DPYD: variants seen among roughly 807,000 people sequenced by gnomAD.
DPYD encodes the protein dihydropyrimidine dehydrogenase, also known as dihydropyrimidine dehydrogenase [NADP(+)].
A neutral mutation model predicts 116.2 loss-of-function variants in DPYD; 109 were observed. That is an observed-to-expected ratio of 0.94 (90% CI 0.80 to 1.10). The LOEUF is 1.10. Among genes scored for constraint, DPYD ranks in the 50% least tolerant of loss-of-function variants. The probability of loss-of-function intolerance (pLI) is 0.00; values close to 1 mark genes in which losing one functional copy is unlikely to be tolerated. For synonymous variants in DPYD, 440 were observed against 432.0 expected (o/e 1.02, Z -0.23); for missense variants, 1,302 against 1,254.5 (o/e 1.04, Z -0.57).
intron 18 of DPYD, 136 bp downstream of exon 18, chr1:97,305,123 T>C: frequency 7.7e-7 from 1 of 1,293,130 alleles, no homozygotes. Flanking sequence ...CGTTCTGTCA[T>C]AACTATTAGG....
chr1:97,892,087 A>G (rs777777779), intron 1 of DPYD, among the ~76,000 whole-genome samples: 40 of 151,706 alleles, frequency 2.6e-4, no homozygotes, highest in Non-Finnish European at 5.5e-4. Flanking sequence ...TCAAGTAAAC[A>G]AATAATAATA....
chr1:97,587,772 C>A (rs1224383597), intron 10 of DPYD, among the ~76,000 whole-genome samples: 1 of 145,722 alleles, frequency 6.9e-6, no homozygotes, highest in East Asian at 2.0e-4. Flanking sequence ...TGCAGTGAGT[C>A]GAGATCGCGC....
chr1:97,118,998 C>G (rs1285940328), intron 20 of DPYD, among the ~76,000 whole-genome samples: 1 of 151,950 alleles, frequency 6.6e-6, no homozygotes, highest in Non-Finnish European at 1.5e-5. Flanking sequence ...GAGAAAATCC[C>G]TCATTTTTTT....
At chr1:97,162,633 T>C (rs530193958) in intron 20 of DPYD, among the ~76,000 whole-genome samples, 2 of 151,756 alleles carry the variant, frequency 1.3e-5, no homozygotes, top group African/African-American at 4.8e-5. Flanking sequence ...AAAACTACTT[T>C]AAAGTTCATA....
chr1:97,696,781 T>A (rs1661330430), intron 6 of DPYD, among the ~76,000 whole-genome samples: 1 of 152,180 alleles, frequency 6.6e-6, no homozygotes, highest in African/African-American at 2.4e-5. Context: ...AGAGGTATGC[T>A]TCAGTTTATT....
chr1:97,496,230 A>C (rs1396151699), intron 13 of DPYD, among the ~76,000 whole-genome samples: 1 of 152,056 alleles, frequency 6.6e-6, no homozygotes, highest in Non-Finnish European at 1.5e-5. Context: ...TTTGCTCTAG[A>C]TACAACCTTG....
chr1:97,584,971 G>T (rs1356210528), intron 10 of DPYD, among the ~76,000 whole-genome samples: 9 of 94,314 alleles, frequency 9.5e-5, no homozygotes, highest in South Asian at 3.8e-4. Flanking sequence ...TAATAATAAA[G>T]AAATAAAATA....
intron 13 of DPYD, among the ~76,000 whole-genome samples, chr1:97,515,212 G>A (rs900334919): frequency 5.9e-5 from 9 of 151,878 alleles, no homozygotes; most frequent in African/African-American, 2.2e-4. Flanking sequence ...AGTATAAGAT[G>A]TCCACTTCTG....
chr1:97,640,923 T>C (rs1657854724), intron 8 of DPYD, among the ~76,000 whole-genome samples: 1 of 152,212 alleles, frequency 6.6e-6, no homozygotes, highest in South Asian at 2.1e-4. Context: ...TTAGTATAAG[T>C]AATTTGTTTA....
chr1:97,323,343 T>C (rs1269361255), intron 16 of DPYD, among the ~76,000 whole-genome samples: 10 of 96,324 alleles, frequency 1.0e-4, no homozygotes, highest in African/African-American at 2.6e-4. Context: ...CACGTATATA[T>C]ACATGTGTAT....
At chr1:97,920,839 C>T (rs1242237129) in intron 1 of DPYD, 45 bp downstream of exon 1, 5 of 1,569,296 alleles carry the variant, frequency 3.2e-6, no homozygotes, top group African/African-American at 1.4e-5. Context: ...GCAGAGCACT[C>T]CCCACCACCC....
chr1:97,606,258 G>A (rs1655588077), intron 8 of DPYD, among the ~76,000 whole-genome samples: 1 of 151,972 alleles, frequency 6.6e-6, no homozygotes, highest in Admixed American at 6.6e-5. Flanking sequence ...ATACATAGAT[G>A]AGTACCTACT....
chr1:97,363,362 A>T (rs1344747634), intron 16 of DPYD, among the ~76,000 whole-genome samples: 1 of 152,196 alleles, frequency 6.6e-6, no homozygotes, highest in Non-Finnish European at 1.5e-5. Context: ...TGAGACTGTA[A>T]ACTAGTTCAA....
chr1:97,775,398 A>G (rs1666342862), intron 3 of DPYD, among the ~76,000 whole-genome samples: 1 of 152,140 alleles, frequency 6.6e-6, no homozygotes, highest in Non-Finnish European at 1.5e-5. Flanking sequence ...TTGGTAACCT[A>G]TCTGTCCCTT....
chr1:97,289,598 C>A (rs1286588655), intron 18 of DPYD, among the ~76,000 whole-genome samples: 3 of 151,998 alleles, frequency 2.0e-5, no homozygotes, highest in Non-Finnish European at 4.4e-5. Context: ...ACATGATTAT[C>A]TCAATAGATG....
chr1:97,918,382 TA>T (rs1168721051), intron 1 of DPYD, among the ~76,000 whole-genome samples: 1 of 152,074 alleles, frequency 6.6e-6, no homozygotes, highest in African/African-American at 2.4e-5. Flanking sequence ...TGAACCACAT[TA>T]ATATATCTGA....
chr1:97,867,196 C>T (rs1037431874), intron 2 of DPYD, among the ~76,000 whole-genome samples: 3 of 151,646 alleles, frequency 2.0e-5, no homozygotes, highest in South Asian at 2.1e-4. Flanking sequence ...ATTTATTAAA[C>T]GAGTGCCTGC....
intron 18 of DPYD, among the ~76,000 whole-genome samples, chr1:97,253,094 G>C (rs1177344859): frequency 6.6e-6 from 1 of 152,052 alleles, no homozygotes; most frequent in Non-Finnish European, 1.5e-5. Context: ...GCCAAAAAAC[G>C]GGCTATCACT....
At chr1:97,192,143 CA>C (rs761804322) in intron 20 of DPYD, among the ~76,000 whole-genome samples, 2 of 151,950 alleles carry the variant, frequency 1.3e-5, no homozygotes, top group Non-Finnish European at 2.9e-5. Flanking sequence ...AGGAGAGGGA[CA>C]GTGATATTTT....
Sources: allele counts gnomAD v4.1 joint callset (sites outside exome capture counted in the v4.1 genomes callset), GRCh38; gene constraint gnomAD v4.1.1; transcripts MANE v1.5; gene names NCBI Gene and HGNC (gene_info 2026-07-23, HGNC 2026-07-21).